Variants in CCDC51 observed in about 807,000 individuals in gnomAD.
CCDC51 encodes the protein mitochondrial potassium channel.
Under a neutral mutation model 24.8 loss-of-function variants are expected in CCDC51, and 25 were observed. That is an observed-to-expected ratio of 1.01 (90% CI 0.73 to 1.41). The LOEUF (loss-of-function observed/expected upper bound fraction) is 1.41. Ranked by LOEUF, CCDC51 falls within the 40% of genes most tolerant of loss-of-function variation. CCDC51 has a pLI of 0.00. For synonymous variants in CCDC51, 190 were observed against 204.3 expected, an observed-to-expected ratio of 0.93 and a Z score of 0.60; for missense variants, 466 against 519.1, an observed-to-expected ratio of 0.90 and a Z score of 0.99.
At chr3:48,441,953 G>C (rs1386987293), upstream of CCDC51, among the ~76,000 whole-genome samples, 1 of 152,192 alleles carries the variant, frequency 6.6e-6, no homozygotes, top group Non-Finnish European at 1.5e-5. Flanking sequence ...GGTGTAAGGG[G>C]CCAGGCACAG....
At chr3:48,440,756 G>A (rs934608493), upstream of CCDC51, 1 of 829,796 alleles carries the variant, frequency 1.2e-6, no homozygotes. Context: ...CCGCTGCAGC[G>A]AATGGTCTCT....
At chr3:48,440,747 C>G, upstream of CCDC51, 1 of 892,198 alleles carries the variant, frequency 1.1e-6, no homozygotes, top group Non-Finnish European at 1.7e-6. Context: ...TTCCGACGTC[C>G]GCTGCAGCGA....
At chr3:48,434,008 A>G in intron 2 of CCDC51, 137 bp from the exon 3 acceptor site, 4 of 1,445,864 alleles carry the variant, frequency 2.8e-6, no homozygotes, top group Non-Finnish European at 2.7e-6. Flanking sequence ...TTCCTTAGAC[A>G]CTAATCCTGG....
In CCDC51 at chr3:48,432,514, C is replaced by T. The variant is rs763972025; in HGVS notation, c.1130G>A (p.Arg377Lys). 3.7e-6 allele frequency: 6 copies of T among 1,614,214 alleles called. No homozygotes were observed. Among genetic ancestry groups the T allele is most frequent in the Non-Finnish European group, 5.1e-6 (6 of 1,180,048 alleles). ...GTTCCTGTTGACTTGGGCTTCTAGT[C>T]TCTGCTCCGTGTCTGACAGTGCCAA... The part of the protein sequence containing the change: ...MILALSDTEQ[R>K]LEAQVNRNTI... Residue 377 changes from arginine (R) to lysine (K), a missense_variant, in exon 4 of 4, where the codon AGA (arginine) becomes AAA (lysine). Transcript: ENST00000395694.
upstream of CCDC51, among the ~76,000 whole-genome samples, chr3:48,441,548 T>A (rs964971644): frequency 6.6e-5 from 10 of 152,204 alleles, no homozygotes; most frequent in South Asian, 2.1e-3. Context: ...TTTCTGAGTC[T>A]TTTTACTTCT....
Position 48,434,882 on chromosome 3 carries a change from A to G in CCDC51, c.247T>C (p.Trp83Arg), listed in dbSNP as rs1244378308. Residue 83 changes from tryptophan to arginine, a missense_variant, in exon 2 of 4, where the codon TGG becomes CGG. Transcript: ENST00000395694. ...QRATSTAKTW[W>R]DRYEEFVGLN... ...CCAACAAACTCTTCATATCTGTCCC[A>G]CCAAGTCTTGGCTGTGGAGGTCGCT... 4.3e-6 allele frequency: 7 copies of G among 1,614,154 alleles called. No individual in the cohort carries two copies. The highest frequency in any genetic ancestry group is 5.9e-6 in the Non-Finnish European group (7 of 1,180,024).
upstream of CCDC51, chr3:48,440,224 G>C (rs1459827491): frequency 2.6e-6 from 4 of 1,524,494 alleles, no homozygotes; most frequent in East Asian, 2.3e-5. Flanking sequence ...GGGCCGCCTC[G>C]CTGTCTACGA....
chr3:48,432,779 G>A lies in CCDC51; in HGVS notation c.865C>T (p.Pro289Ser), dbSNP rs1425117873. Reference sequence around the variant, plus strand: ...TCTACATCTCTGTCTCTGGTCGGGGGACTACCTGCCTGTGACCCAGAGTCC... The same window carrying A: ...TCTACATCTCTGTCTCTGGTCGGGGAACTACCTGCCTGTGACCCAGAGTCC... ...GQDSGSQAGS[P>S]PTRDRDVDVL... Residue 289 changes from proline to serine, a missense_variant, in exon 4 of 4, where the codon CCC (proline) becomes TCC (serine). Physicochemically the swap from Pro to Ser is moderately conservative, Grantham distance 74 (BLOSUM62 -1). Coordinates refer to ENST00000395694, the MANE Select transcript of CCDC51 (RefSeq NM_001256964.2). 6.2e-7 allele frequency: 1 copy of A among 1,614,006 alleles called. No homozygotes were observed. Among genetic ancestry groups the A allele is most frequent in the African/African-American group, 1.3e-5 (1 of 74,904 alleles).
At chr3:48,444,108 A>G (rs900381063), upstream of CCDC51, 3 of 378,538 alleles carry the variant, frequency 7.9e-6, no homozygotes, top group African/African-American at 2.1e-5. Flanking sequence ...CTGTGAATTT[A>G]AAGTAAAACC....
chr3:48,434,049 G>A, intron 2 of CCDC51, 178 bp from the exon 3 acceptor site: 1 of 1,327,702 alleles, frequency 7.5e-7, no homozygotes, highest in Non-Finnish European at 9.8e-7. Flanking sequence ...GTGCAGCCTT[G>A]GGCCACACCC....
upstream of CCDC51, among the ~76,000 whole-genome samples, chr3:48,443,054 A>G (rs2039603422): frequency 6.6e-6 from 1 of 151,774 alleles, no homozygotes; most frequent in Admixed American, 6.6e-5. Flanking sequence ...TGCCTGGCCA[A>G]CATGGTCAAA....
At chr3:48,441,706 C>G (rs910906528), upstream of CCDC51, among the ~76,000 whole-genome samples, 2 of 152,154 alleles carry the variant, frequency 1.3e-5, no homozygotes, top group Admixed American at 6.5e-5. Context: ...CCCAGCAGTT[C>G]TAGTACTTTA....
In CCDC51 at chr3:48,433,620, A is replaced by G; in HGVS notation, c.477+87T>C. On this transcript the variant is annotated intron_variant, in intron 3 of 3. Transcript: ENST00000395694. The surrounding 1 kb of genome is among the most constrained non-coding windows in gnomAD (Gnocchi z 4.4). Reference sequence around the variant, plus strand: ...TGTACCAGGCCTCTGACTACAGACCAGTCAGGGTTCCCACCCGGCCCCTCC... The same window carrying G: ...TGTACCAGGCCTCTGACTACAGACCGGTCAGGGTTCCCACCCGGCCCCTCC... 2.1e-6 allele frequency: 3 copies of G among 1,422,614 alleles called. No individual in the cohort carries two copies. The highest frequency in any genetic ancestry group is 2.1e-4 in the Middle Eastern group (1 of 4,878). The allele number at this position is 1,422,614 out of a possible 1,614,324, so 88.1% of individuals were successfully genotyped here.
In CCDC51 at chr3:48,440,051, A is replaced by G. The variant is rs1340730540; in HGVS notation, c.-72T>C. 1 of 615,014 alleles carries G rather than the reference A, an allele frequency of 1.6e-6. No homozygotes were observed. The highest frequency in any genetic ancestry group is 1.9e-5 in the African/African-American group (1 of 54,016). 38.1% of individuals were successfully genotyped at this position (615,014 alleles called of 1,614,324 possible). ...GGCCGTCCGGTTAAGTACCCCTCCT[A>G]CGGTTCCGATTCTACCCTGGCAGGA... On this transcript the variant is annotated 5_prime_UTR_variant, in exon 1 of 4. Transcript: ENST00000395694.
In CCDC51 at chr3:48,437,764, C is replaced by T. The variant is rs2039401819; in HGVS notation, c.-9+2224G>A. ...AAAATAATAAAAAGTTGGAAGAGAA[C>T]TTCCACAAACTCCCACCATACCTTC... On this transcript the variant is annotated intron_variant, in intron 1 of 3. Transcript: ENST00000395694. This position sits in a 1 kb window ranked among gnomAD's most constrained non-coding sequence, Gnocchi z 4.2. The T allele has an allele frequency of 6.6e-6, 1 of 152,120 alleles. No homozygotes were observed. Among genetic ancestry groups the T allele is most frequent in the South Asian group, 2.1e-4 (1 of 4,832 alleles). The allele number at this position is 152,120 out of a possible 1,614,324, so 9.4% of individuals were successfully genotyped here.
chr3:48,439,334 T>TA (rs1181703152), intron 1 of CCDC51, among the ~76,000 whole-genome samples: 1 of 152,182 alleles, frequency 6.6e-6, no homozygotes, highest in African/African-American at 2.4e-5. Flanking sequence ...CACTGTTATT[T>TA]AAAAAAATAA....
chr3:48,433,634 C>T lies in CCDC51; in HGVS notation c.477+73G>A, dbSNP rs1172618635. Reference sequence around the variant, plus strand: ...GACTACAGACCAGTCAGGGTTCCCACCCGGCCCCTCCATGATCTGCCAGGC... The same window carrying T: ...GACTACAGACCAGTCAGGGTTCCCATCCGGCCCCTCCATGATCTGCCAGGC... On this transcript the variant is annotated intron_variant, in intron 3 of 3. Transcript: ENST00000395694. This position sits in a 1 kb window ranked among gnomAD's most constrained non-coding sequence, Gnocchi z 4.4. 4.3e-5 allele frequency: 66 copies of T among 1,524,534 alleles called. 1 individual carries two copies. The highest frequency in any genetic ancestry group is 1.2e-4 in the South Asian group (10 of 80,656). 94.4% of individuals were successfully genotyped at this position (1,524,534 alleles called of 1,614,324 possible).
chr3:48,436,088 C>T (rs1023553471), intron 1 of CCDC51, among the ~76,000 whole-genome samples: 1 of 152,150 alleles, frequency 6.6e-6, no homozygotes, highest in Non-Finnish European at 1.5e-5. Context: ...AAAGAGGTGG[C>T]CAGGTGACCC....
In CCDC51 at chr3:48,433,981, A is replaced by G. The variant is rs2039273095; in HGVS notation, c.313-110T>C. 4.0e-6 allele frequency: 6 copies of G among 1,495,028 alleles called. No homozygotes were observed. Among genetic ancestry groups the G allele is most frequent in the Non-Finnish European group, 5.3e-6 (6 of 1,126,958 alleles). 92.6% of individuals were successfully genotyped at this position (1,495,028 alleles called of 1,614,324 possible). A position where few individuals can be genotyped will look rare whatever the true frequency, so the allele number is the denominator to read the frequency against. Reference sequence around the variant, plus strand: ...AAGAGGTCACTGGGGTGTGAGCTGCAAAGGGTGGAAACGGAATTCCTTAGA... The same window carrying G: ...AAGAGGTCACTGGGGTGTGAGCTGCGAAGGGTGGAAACGGAATTCCTTAGA... On this transcript the variant is annotated intron_variant, in intron 2 of 3. Coordinates refer to ENST00000395694, the MANE Select transcript of CCDC51 (RefSeq NM_001256964.2). This position sits in a 1 kb window ranked among gnomAD's most constrained non-coding sequence, Gnocchi z 4.4.
Sources: allele counts gnomAD v4.1 joint callset (sites outside exome capture counted in the v4.1 genomes callset), GRCh38; gene constraint gnomAD v4.1.1; non-coding constraint Gnocchi (gnomAD v3.1); transcripts MANE v1.5; gene names NCBI Gene and HGNC (gene_info 2026-07-23, HGNC 2026-07-21).